Variants in PTPRN2 observed in about 807,000 individuals in gnomAD.
The protein encoded by PTPRN2 is receptor-type tyrosine-protein phosphatase N2.
In PTPRN2, 74 loss-of-function variants were observed where a neutral mutation model predicts 118.8. The observed-to-expected ratio is 0.62, with a 90% confidence interval of 0.52 to 0.76. The LOEUF (loss-of-function observed/expected upper bound fraction) is 0.76, where lower values mean the gene tolerates loss of function less well. PTPRN2 is among the 30% of genes least tolerant of loss of function. The pLI is 0.00. For synonymous variants in PTPRN2, 641 were observed against 608.0 expected (o/e 1.05, Z -0.80); for missense variants, 1,481 against 1,394.4 (o/e 1.06, Z -0.99).
intron 2 of PTPRN2, among the ~76,000 whole-genome samples, chr7:158,331,471 T>C (rs1384591620): frequency 6.8e-6 from 1 of 147,222 alleles, no homozygotes; most frequent in Non-Finnish European, 1.5e-5. Flanking sequence ...CCCGCAGACG[T>C]CACTCACACC....
chr7:158,294,928 C>A lies in PTPRN2; in HGVS notation c.277+21891G>T, dbSNP rs957682534. 5.8e-5 allele frequency among the ~76,000 whole-genome samples: 8 copies of A among 137,206 alleles called. No homozygotes were observed. In the South Asian group the frequency reaches 7.1e-4, roughly 12 times the overall value. The allele number at this position is 137,206 out of a possible 152,430, so 90.0% of individuals were successfully genotyped here. On this transcript the variant is annotated intron_variant, in intron 3 of 22. Transcript: ENST00000389418. ...CCCAGACACTGCGCCACTTTCCACG[C>A]GCGTGGTTCACCCACCTTTCTGAGG...
At chr7:157,783,764 C>T (rs943403875) in intron 12 of PTPRN2, among the ~76,000 whole-genome samples, 3 of 151,904 alleles carry the variant, frequency 2.0e-5, no homozygotes, top group Non-Finnish European at 4.4e-5. Context: ...GGGACTTTCC[C>T]ATGTGGATTC....
intron 2 of PTPRN2, among the ~76,000 whole-genome samples, chr7:158,436,015 CAT>C (rs1816548872): frequency 6.6e-6 from 1 of 152,186 alleles, no homozygotes; most frequent in Non-Finnish European, 1.5e-5. Flanking sequence ...TCATGGCTGT[CAT>C]CAACAATACT....
intron 12 of PTPRN2, among the ~76,000 whole-genome samples, chr7:157,827,299 C>T (rs1807239050): frequency 6.6e-6 from 1 of 152,150 alleles, no homozygotes; most frequent in African/African-American, 2.4e-5. Context: ...CATATTATCT[C>T]ATTCGATTCC....
intron 9 of PTPRN2, among the ~76,000 whole-genome samples, chr7:158,130,669 A>G (rs112098757): frequency 0.016 from 2,436 of 147,788 alleles, 66 homozygotes; most frequent in African/African-American, 0.052. Flanking sequence ...ACTCATACAC[A>G]CACACGTACA....
rs1419392150 is a variant in PTPRN2, at chr7:157,779,869, G to A, written c.1789-96932C>T. Among the ~76,000 whole-genome samples the A allele has an allele frequency of 2.6e-5, 4 of 152,104 alleles. No individual in the cohort carries two copies. Among genetic ancestry groups the A allele is most frequent in the African/African-American group, 9.7e-5 (4 of 41,406 alleles). On this transcript the variant is annotated intron_variant, in intron 12 of 22. Transcript: ENST00000389418. This position sits in a 1 kb window ranked among gnomAD's most constrained non-coding sequence, Gnocchi z 4.7. The stretch of plus-strand genomic sequence containing the variant: ...GAGCAGTGTGTGTCCTCCCAAGCAG[G>A]GCTGGGACGCCACTGATACCATCGA...
intron 2 of PTPRN2, among the ~76,000 whole-genome samples, chr7:158,341,068 C>T (rs1204884293): frequency 7.4e-5 from 5 of 67,204 alleles, no homozygotes; most frequent in African/African-American, 2.1e-4. Flanking sequence ...GTCATTCACA[C>T]CCACACTCTC....
At chr7:157,640,381 A>G (rs1585152519) in intron 14 of PTPRN2, among the ~76,000 whole-genome samples, 1 of 152,256 alleles carries the variant, frequency 6.6e-6, no homozygotes, top group Non-Finnish European at 1.5e-5. Flanking sequence ...AATGCAGGAC[A>G]GAAAGATAGA....
chr7:157,874,411 C>G lies in PTPRN2; in HGVS notation c.1788+24262G>C, dbSNP rs1348596181. 6.6e-6 allele frequency among the ~76,000 whole-genome samples: 1 copy of G among 152,234 alleles called. No individual in the cohort carries two copies. The highest frequency in any genetic ancestry group is 1.5e-5 in the Non-Finnish European group (1 of 68,036). On this transcript the variant is annotated intron_variant, in intron 12 of 22. Coordinates refer to ENST00000389418, the MANE Select transcript of PTPRN2 (RefSeq NM_002847.5). The surrounding 1 kb of genome is among the most constrained non-coding windows in gnomAD (Gnocchi z 5.8). ...CTTTCTGCCCCCTCCTGTCCCCTCT[C>G]TCCTGCCCTGCCCCGATCCTGCCTC...
chr7:158,461,742 C>G (rs2129443062), intron 2 of PTPRN2, among the ~76,000 whole-genome samples: 1 of 152,332 alleles, frequency 6.6e-6, no homozygotes, highest in Admixed American at 6.5e-5. Flanking sequence ...GCTGACTGCA[C>G]TGTTCCCTGC....
intron 13 of PTPRN2, among the ~76,000 whole-genome samples, chr7:157,675,455 A>G (rs1796622889): frequency 6.6e-6 from 1 of 152,168 alleles, no homozygotes; most frequent in Non-Finnish European, 1.5e-5. Flanking sequence ...ACCTTCCATC[A>G]AGTGTCTTGA....
At chr7:158,212,235 T>C (rs1208367516) in intron 3 of PTPRN2, among the ~76,000 whole-genome samples, 2 of 150,618 alleles carry the variant, frequency 1.3e-5, no homozygotes, top group Non-Finnish European at 3.0e-5. Flanking sequence ...GGGAAGGAAA[T>C]TGGCAGGGGG....
rs560036429 is a variant in PTPRN2, at chr7:158,049,185, A to G, written c.1723+32113T>C. ...ATCAATCATCATTGCCACCATCGCC[A>G]TCAACAGCATCACTATCATCATCAT... On this transcript the variant is annotated intron_variant, in intron 11 of 22. Transcript: ENST00000389418. Among the ~76,000 whole-genome samples, 20 of 152,248 alleles carry G rather than the reference A, an allele frequency of 1.3e-4. No individual in the cohort carries two copies. In the East Asian group the frequency reaches 3.1e-3, roughly 24 times the overall value.
At chr7:158,106,336 T>C (rs78725393) in intron 10 of PTPRN2, among the ~76,000 whole-genome samples, 2,105 of 152,112 alleles carry the variant, frequency 0.014, 54 homozygotes, top group East Asian at 0.099. Context: ...GAGCTTCATC[T>C]CAGCTCATCT....
At chr7:158,545,499 C>T (rs1192465095) in intron 1 of PTPRN2, among the ~76,000 whole-genome samples, 9 of 152,214 alleles carry the variant, frequency 5.9e-5, no homozygotes, top group Non-Finnish European at 1.0e-4. Flanking sequence ...CACTTTTCCA[C>T]CCTGAGCAGC....
chr7:158,136,170 C>T (rs1479822243), intron 8 of PTPRN2, among the ~76,000 whole-genome samples: 1 of 152,218 alleles, frequency 6.6e-6, no homozygotes, highest in Non-Finnish European at 1.5e-5. Context: ...CCGACCTGAA[C>T]CCAGTGCGGC....
At chr7:158,152,191 A>AAAAAT (rs1554561530) in intron 6 of PTPRN2, among the ~76,000 whole-genome samples, 1,455 of 145,224 alleles carry the variant, frequency 0.01, 45 homozygotes, top group African/African-American at 0.022. Context: ...AAAAAAAAAA[A>AAAAAT]CCATGAATGC....
At chr7:157,781,247 C>T (rs146907568) in intron 12 of PTPRN2, among the ~76,000 whole-genome samples, 2 of 152,322 alleles carry the variant, frequency 1.3e-5, no homozygotes, top group Non-Finnish European at 2.9e-5. Context: ...TACACATGGG[C>T]TAGTGTTATT....
chr7:158,139,391 C>G (rs889580741), intron 6 of PTPRN2, among the ~76,000 whole-genome samples: 2 of 152,084 alleles, frequency 1.3e-5, no homozygotes, highest in African/African-American at 4.8e-5. Context: ...AATCTGAAGA[C>G]AGATCATAGA....
Sources: allele counts gnomAD v4.1 joint callset (sites outside exome capture counted in the v4.1 genomes callset), GRCh38; gene constraint gnomAD v4.1.1; non-coding constraint Gnocchi (gnomAD v3.1); transcripts MANE v1.5; gene names NCBI Gene and HGNC (gene_info 2026-07-23, HGNC 2026-07-21).